Variants in ASTN2 observed in about 807,000 individuals in gnomAD.
The protein encoded by ASTN2 is astrotactin-2.
A neutral mutation model predicts 139.8 loss-of-function variants in ASTN2; 54 were observed. The ratio of observed to expected loss-of-function variants is 0.39; its 90% CI spans 0.31 to 0.48. The LOEUF (loss-of-function observed/expected upper bound fraction) is 0.48, where lower values mean the gene tolerates loss of function less well. Among genes scored for constraint, ASTN2 ranks in the 20% least tolerant of loss-of-function variants. The pLI, the probability that ASTN2 is intolerant of heterozygous loss-of-function variation, is 0.95. For missense variants in ASTN2, 1,565 were observed against 1,725.1 expected, an observed-to-expected ratio of 0.91 and a Z score of 1.64; for synonymous variants, 756 against 719.5, an observed-to-expected ratio of 1.05 and a Z score of -0.81.
chr9:117,124,938 A>G (rs1012364504), intron 4 of ASTN2, among the ~76,000 whole-genome samples: 1 of 152,158 alleles, frequency 6.6e-6, no homozygotes, highest in African/African-American at 2.4e-5. Flanking sequence ...GCTTCTCTGC[A>G]CATTTCACAG....
intron 16 of ASTN2, among the ~76,000 whole-genome samples, chr9:116,679,402 T>C (rs1488050856): frequency 6.6e-6 from 1 of 152,198 alleles, no homozygotes; most frequent in East Asian, 1.9e-4. Context: ...ATGTTTGGCT[T>C]TCTTTGGAAC....
intron 15 of ASTN2, among the ~76,000 whole-genome samples, chr9:116,727,248 C>T (rs1402966184): frequency 1.3e-5 from 2 of 152,150 alleles, no homozygotes; most frequent in South Asian, 2.1e-4. Context: ...ATCCTCCCTG[C>T]ACACCCACCC....
chr9:117,293,376 C>T (rs1209676069), intron 1 of ASTN2, among the ~76,000 whole-genome samples: 1 of 152,162 alleles, frequency 6.6e-6, no homozygotes, highest in East Asian at 1.9e-4. Flanking sequence ...ATCACTAAGC[C>T]CTCCATTTAC....
At chr9:117,348,246 A>C (rs1369273562) in intron 1 of ASTN2, among the ~76,000 whole-genome samples, 1 of 152,210 alleles carries the variant, frequency 6.6e-6, no homozygotes, top group South Asian at 2.1e-4. Context: ...CAGGTAGTTC[A>C]GTCTAAAATT....
chr9:116,730,956 A>G (rs937335233), intron 14 of ASTN2, among the ~76,000 whole-genome samples: 8 of 152,096 alleles, frequency 5.3e-5, no homozygotes, highest in African/African-American at 1.9e-4. Flanking sequence ...GTCACGGTCT[A>G]TATTCCTCCC....
At chr9:116,929,295 T>A (rs1319819624) in intron 10 of ASTN2, among the ~76,000 whole-genome samples, 2 of 152,156 alleles carry the variant, frequency 1.3e-5, no homozygotes, top group Non-Finnish European at 2.9e-5. Flanking sequence ...CACTGACTAG[T>A]GTAGCAGCAC....
intron 13 of ASTN2, among the ~76,000 whole-genome samples, chr9:116,744,439 A>T (rs1200669011): frequency 3.9e-5 from 6 of 152,138 alleles, no homozygotes; most frequent in Admixed American, 2.6e-4. Context: ...AGACTGCCTG[A>T]CTACAGGGTA....
Position 116,699,827 on chromosome 9 carries a change from G to GAAC in ASTN2, c.2806+25941_2806+25943dup, listed in dbSNP as rs1861084623. Reference sequence around the variant, plus strand: ...TCCTGATTCCAGCTGGGTAGTTCTAGAACTTCAGAAGCTCCATCTTTTAAT... The same window carrying GAAC: ...TCCTGATTCCAGCTGGGTAGTTCTAGAACAACTTCAGAAGCTCCATCTTTTAAT... On this transcript the variant is annotated intron_variant, in intron 16 of 22. Coordinates refer to ENST00000313400, the MANE Select transcript of ASTN2 (RefSeq NM_001365068.1). The surrounding 1 kb of genome is among the most constrained non-coding windows in gnomAD (Gnocchi z 4.2). The GAAC allele has an allele frequency of 1.5e-6, 2 of 1,325,616 alleles. No individual in the cohort carries two copies. Among genetic ancestry groups the GAAC allele is most frequent in the African/African-American group, 2.9e-5 (2 of 67,976 alleles). 82.1% of individuals were successfully genotyped at this position (1,325,616 alleles called of 1,614,324 possible).
intron 3 of ASTN2, among the ~76,000 whole-genome samples, chr9:117,183,816 C>G (rs1043783403): frequency 5.3e-5 from 8 of 152,204 alleles, no homozygotes; most frequent in Non-Finnish European, 1.2e-4. Context: ...TTTCCCACAT[C>G]CATGCATAGA....
intron 5 of ASTN2, among the ~76,000 whole-genome samples, chr9:117,056,161 C>T (rs533629650): frequency 1.3e-5 from 2 of 152,328 alleles, no homozygotes; most frequent in South Asian, 4.1e-4. Flanking sequence ...TCCTTCGAAG[C>T]CCTGAGCTGG....
chr9:117,179,235 T>C (rs1830994906), intron 3 of ASTN2, among the ~76,000 whole-genome samples: 1 of 152,222 alleles, frequency 6.6e-6, no homozygotes, highest in African/African-American at 2.4e-5. Flanking sequence ...GACAAGACTA[T>C]ATATGTACAC....
At chr9:116,933,090 A>G (rs1834954935) in intron 10 of ASTN2, among the ~76,000 whole-genome samples, 1 of 151,444 alleles carries the variant, frequency 6.6e-6, no homozygotes, top group African/African-American at 2.4e-5. Flanking sequence ...ACAAATCTCC[A>G]TCTCATGTAG....
In ASTN2 at chr9:117,185,716, A is replaced by G. The variant is rs370564534; in HGVS notation, c.1015+28642T>C. ...GCAGGCAGAGCATGTCTCACAAGGA[A>G]TGGAGATGGGCTAGGCACAGAAGCT... On this transcript the variant is annotated intron_variant, in intron 3 of 22. Coordinates refer to ENST00000313400, the MANE Select transcript of ASTN2 (RefSeq NM_001365068.1). Among the ~76,000 whole-genome samples the G allele has an allele frequency of 3.9e-5, 6 of 152,262 alleles. No individual in the cohort carries two copies. In the South Asian group the frequency reaches 6.2e-4, roughly 16 times the overall value.
In ASTN2 at chr9:116,859,210, C is replaced by T. The variant is rs115367195; in HGVS notation, c.2040+4373G>A. Among the ~76,000 whole-genome samples, 969 of 152,300 alleles carry T rather than the reference C, an allele frequency of 6.4e-3. 9 individuals carry two copies. The highest frequency in any genetic ancestry group is 0.021 in the African/African-American group (867 of 41,562). On this transcript the variant is annotated intron_variant, in intron 11 of 22. Transcript: ENST00000313400. ...GCTAATTAGTCATCTTAATTCCTTA[C>T]GCAAATTTAAATCCTGGTTCTGTCA... is the stretch of plus-strand genomic sequence containing the variant.
chr9:116,532,140 G>T (rs1453044807), intron 19 of ASTN2, among the ~76,000 whole-genome samples: 5 of 152,220 alleles, frequency 3.3e-5, no homozygotes, highest in Admixed American at 3.3e-4. Flanking sequence ...TTTTGCATGT[G>T]TCTTTTGGCT....
chr9:116,943,209 T>C (rs1016452236), intron 10 of ASTN2, among the ~76,000 whole-genome samples: 4 of 152,192 alleles, frequency 2.6e-5, no homozygotes, highest in Admixed American at 6.5e-5. Context: ...TGTGTATAAA[T>C]GCTGGGCTCT....
At chr9:116,997,884 A>G (rs923743181) in intron 7 of ASTN2, among the ~76,000 whole-genome samples, 1 of 152,128 alleles carries the variant, frequency 6.6e-6, no homozygotes, top group Admixed American at 6.6e-5. Flanking sequence ...CCAAAATTCC[A>G]TTGTACCTCT....
intron 13 of ASTN2, among the ~76,000 whole-genome samples, chr9:116,755,843 G>A (rs1188545700): frequency 6.6e-6 from 1 of 152,204 alleles, no homozygotes; most frequent in Non-Finnish European, 1.5e-5. Flanking sequence ...AGAGGCAGAA[G>A]GTGATGTAAA....
chr9:117,052,863 G>C (rs368565121), intron 5 of ASTN2, among the ~76,000 whole-genome samples: 1 of 152,214 alleles, frequency 6.6e-6, no homozygotes, highest in Admixed American at 6.5e-5. Context: ...ATTCAAAACT[G>C]TGTGATGTTC....
Sources: gnomAD v4.1 joint callset for allele counts (sites outside exome capture counted in the v4.1 genomes callset) on GRCh38, gnomAD v4.1.1 for gene constraint, Gnocchi (gnomAD v3.1) non-coding constraint, MANE v1.5 for transcripts, NCBI Gene and HGNC (gene_info 2026-07-23, HGNC 2026-07-21) for gene names.